The following AP2B1 variants were observed in gnomAD, a reference collection of about 807,000 sequenced individuals.
AP2B1 encodes the protein adaptor related protein complex 2 subunit beta 1, also known as AP-2 complex subunit beta.
Under a neutral mutation model 102.0 loss-of-function variants are expected in AP2B1, and 23 were observed. That is an observed-to-expected ratio of 0.23 (90% CI 0.16 to 0.32). The LOEUF (loss-of-function observed/expected upper bound fraction) is 0.32. Ranked by LOEUF, AP2B1 falls within the 10% of genes least tolerant of loss-of-function variation. The pLI is 1.00. For synonymous variants in AP2B1, 381 were observed against 421.2 expected (o/e 0.90, Z 1.17); for missense variants, 541 against 1,157.4 (o/e 0.47, Z 7.73).
At chr17:35,665,028 C>G (rs994136670) in intron 14 of AP2B1, among the ~76,000 whole-genome samples, 2 of 151,710 alleles carry the variant, frequency 1.3e-5, no homozygotes, top group Non-Finnish European at 2.9e-5. Context: ...TATTCCTTAT[C>G]AAGTCTGCTC....
chr17:35,645,072 T>C lies in AP2B1; in HGVS notation c.1536+3097T>C, dbSNP rs2074891671. On this transcript the variant is annotated intron_variant, in intron 12 of 21. Coordinates refer to ENST00000610402, the MANE Select transcript of AP2B1 (RefSeq NM_001030006.2). ...AAGAAAAAAAGAATAAGTATGCCTA[T>C]GTAAGTCTTTTTACCTGGAAGTTTT... 2.0e-5 allele frequency among the ~76,000 whole-genome samples: 3 copies of C among 152,108 alleles called. No individual in the cohort carries two copies. The South Asian group carries it at 6.2e-4, about 32-fold the overall frequency.
At chr17:35,684,032 A>G (rs587672669) in intron 18 of AP2B1, among the ~76,000 whole-genome samples, 6 of 152,368 alleles carry the variant, frequency 3.9e-5, no homozygotes, top group African/African-American at 4.8e-5. Flanking sequence ...CTCCAAATCA[A>G]TAAATTAATA....
chr17:35,642,573 G>T (rs2074812806), intron 12 of AP2B1, among the ~76,000 whole-genome samples: 1 of 152,164 alleles, frequency 6.6e-6, no homozygotes, highest in Non-Finnish European at 1.5e-5. Context: ...AGGTTTTCTA[G>T]TGTAACTAGT....
At chr17:35,674,088 A>C (rs945916028) in intron 16 of AP2B1, 88 bp from the exon 17 acceptor site, 2 of 1,328,864 alleles carry the variant, frequency 1.5e-6, no homozygotes, top group Non-Finnish European at 2.1e-6. Context: ...CTTAATTGTT[A>C]ATCTTAATTT....
chr17:35,683,645 G>T (rs587617671), intron 18 of AP2B1, among the ~76,000 whole-genome samples: 1 of 152,116 alleles, frequency 6.6e-6, no homozygotes, highest in African/African-American at 2.4e-5. Context: ...CACCTACCTC[G>T]AAGTTTCCTT....
chr17:35,719,866 C>T (rs1429111597), intron 21 of AP2B1, among the ~76,000 whole-genome samples: 1 of 152,182 alleles, frequency 6.6e-6, no homozygotes, highest in African/African-American at 2.4e-5. Flanking sequence ...ATACAGTGAG[C>T]TCTTCCTGTA....
intron 6 of AP2B1, among the ~76,000 whole-genome samples, chr17:35,626,012 G>A (rs2074303869): frequency 6.6e-6 from 1 of 152,112 alleles, no homozygotes; most frequent in Admixed American, 6.5e-5. Context: ...GTAAGTGTAG[G>A]TGGCAGGGGC....
chr17:35,634,316 A>G (rs225264), intron 9 of AP2B1, among the ~76,000 whole-genome samples: 132,536 of 152,268 alleles, frequency 0.87, 58,089 homozygotes, highest in African/African-American at 0.97. Context: ...ATCCTCTTTA[A>G]ATAATTAAAT....
At chr17:35,639,172 A>C (rs1423064218) in intron 10 of AP2B1, among the ~76,000 whole-genome samples, 1 of 152,092 alleles carries the variant, frequency 6.6e-6, no homozygotes, top group East Asian at 1.9e-4. Context: ...TCTACAAAAA[A>C]ATTTTTAAAA....
At chr17:35,705,013 A>G (rs2076312977) in intron 18 of AP2B1, among the ~76,000 whole-genome samples, 1 of 152,220 alleles carries the variant, frequency 6.6e-6, no homozygotes, top group Non-Finnish European at 1.5e-5. Context: ...CTTGGGTGAC[A>G]GAGCCAGACT....
rs993104276 is a variant in AP2B1 at position 35,725,953 on chromosome 17, T to C, written c.*2254T>C. The C allele has an allele frequency of 1.3e-5, 2 of 152,062 alleles. No individual in the cohort carries two copies. Among genetic ancestry groups the C allele is most frequent in the African/African-American group, 4.8e-5 (2 of 41,386 alleles). 9.4% of individuals were successfully genotyped at this position (152,062 alleles called of 1,614,324 possible). A position where few individuals can be genotyped will look rare whatever the true frequency, so the allele number is the denominator to read the frequency against. ...CACTCCTTGGGGAAGCCACCTCCCA[T>C]CACACCCCTGAGCAGAGTTAGGGAG... On this transcript the variant is annotated 3_prime_UTR_variant, in exon 22 of 22. Coordinates refer to ENST00000610402, the MANE Select transcript of AP2B1 (RefSeq NM_001030006.2).
chr17:35,626,426 C>G (rs1042706488), intron 6 of AP2B1, among the ~76,000 whole-genome samples, 195 bp from the exon 7 acceptor site: 7 of 152,056 alleles, frequency 4.6e-5, no homozygotes, highest in Non-Finnish European at 1.5e-5. Flanking sequence ...TGTCCCTGCT[C>G]TGCCTGTAGT....
At chr17:35,592,882 A>G (rs2073147311) in intron 1 of AP2B1, among the ~76,000 whole-genome samples, 2 of 152,294 alleles carry the variant, frequency 1.3e-5, no homozygotes, top group South Asian at 2.1e-4. Flanking sequence ...TACATTGGAC[A>G]AAGTCTTATA....
At chr17:35,683,962 A>G (rs1240829323) in intron 18 of AP2B1, among the ~76,000 whole-genome samples, 1 of 152,234 alleles carries the variant, frequency 6.6e-6, no homozygotes, top group Non-Finnish European at 1.5e-5. Context: ...TCAAGGCCCA[A>G]TCAATGCCAT....
chr17:35,699,908 A>G (rs1042290654), intron 18 of AP2B1, among the ~76,000 whole-genome samples: 2 of 152,024 alleles, frequency 1.3e-5, no homozygotes, highest in African/African-American at 4.8e-5. Context: ...TGTCTAGTCT[A>G]TTCCAGTATG....
intron 16 of AP2B1, among the ~76,000 whole-genome samples, chr17:35,672,210 G>A (rs2075603534): frequency 6.6e-6 from 1 of 152,166 alleles, no homozygotes; most frequent in African/African-American, 2.4e-5. Context: ...GTGGTATGTA[G>A]TGCAGCAGCA....
intron 18 of AP2B1, among the ~76,000 whole-genome samples, chr17:35,688,319 C>G (rs986310034): frequency 5.9e-5 from 9 of 152,188 alleles, no homozygotes; most frequent in African/African-American, 2.2e-4. Flanking sequence ...GGTTAGGAAT[C>G]ATTTTCCTCC....
At chr17:35,652,687 ATTC>A (rs2075117373) in intron 13 of AP2B1, among the ~76,000 whole-genome samples, 1 of 152,204 alleles carries the variant, frequency 6.6e-6, no homozygotes. Context: ...GATGTATCAT[ATTC>A]TTGTAGAATC....
At chr17:35,722,839 A>C (rs1196677924) in intron 21 of AP2B1, among the ~76,000 whole-genome samples, 2 of 152,202 alleles carry the variant, frequency 1.3e-5, no homozygotes, top group African/African-American at 4.8e-5. Flanking sequence ...TAATACAATT[A>C]AGATTCTAAA....
Sources: gnomAD v4.1 joint callset for allele counts (sites outside exome capture counted in the v4.1 genomes callset) on GRCh38, gnomAD v4.1.1 for gene constraint, MANE v1.5 for transcripts, NCBI Gene and HGNC (gene_info 2026-07-23, HGNC 2026-07-21) for gene names.